AEBP2: variants seen among roughly 807,000 people sequenced by gnomAD.
The protein encoded by AEBP2 is zinc finger protein AEBP2.
A neutral mutation model predicts 50.8 loss-of-function variants in AEBP2; 10 were observed. That is an observed-to-expected ratio of 0.20 (90% CI 0.12 to 0.33). The LOEUF (loss-of-function observed/expected upper bound fraction) is 0.33, where lower values mean the gene tolerates loss of function less well. AEBP2 is among the 10% of genes least tolerant of loss of function. The pLI, the probability that AEBP2 is intolerant of heterozygous loss-of-function variation, is 1.00. For synonymous variants in AEBP2, 296 were observed against 261.3 expected, an observed-to-expected ratio of 1.13 and a Z score of -1.28; for missense variants, 570 against 688.0, an observed-to-expected ratio of 0.83 and a Z score of 1.92.
intron 1 of AEBP2, chr12:19,413,367 C>T: frequency 9.5e-7 from 1 of 1,057,988 alleles, no homozygotes; most frequent in Non-Finnish European, 1.5e-6. Flanking sequence ...TAATAGAAAT[C>T]CTTTAAAAAG....
intron 1 of AEBP2, among the ~76,000 whole-genome samples, chr12:19,416,538 T>C (rs1471632758): frequency 6.6e-6 from 1 of 151,916 alleles, no homozygotes; most frequent in Non-Finnish European, 1.5e-5. Context: ...CCCGAGTAGC[T>C]GGGATTACAG....
chr12:19,508,936 T>A, intron 5 of AEBP2: 1 of 426,008 alleles, frequency 2.3e-6, no homozygotes. Context: ...GTCGTAGGCT[T>A]TTCTACAATA....
intron 1 of AEBP2, chr12:19,456,609 G>C: frequency 6.6e-7 from 1 of 1,520,238 alleles, no homozygotes. Flanking sequence ...AATCACCTGA[G>C]CAGTGAAGCC....
chr12:19,405,496 T>C (rs1421357132), intron 1 of AEBP2, among the ~76,000 whole-genome samples: 1 of 151,918 alleles, frequency 6.6e-6, no homozygotes, highest in Non-Finnish European at 1.5e-5. Flanking sequence ...CAGCTAATTT[T>C]TGTATTTTTA....
upstream of AEBP2, among the ~76,000 whole-genome samples, chr12:19,438,339 A>G (rs1330620808): frequency 6.6e-6 from 1 of 152,208 alleles, no homozygotes; most frequent in Non-Finnish European, 1.5e-5. Flanking sequence ...GCATTCAAAG[A>G]ATTGTGTGGC....
At chr12:19,481,800 C>CG (rs1054433795) in intron 3 of AEBP2, among the ~76,000 whole-genome samples, 1 of 152,116 alleles carries the variant, frequency 6.6e-6, no homozygotes, top group Non-Finnish European at 1.5e-5. Flanking sequence ...TTCTGTTTCT[C>CG]TAAGTGTGAC....
At chr12:19,461,891 T>TA (rs1188760553) in intron 1 of AEBP2, among the ~76,000 whole-genome samples, 6 of 152,114 alleles carry the variant, frequency 3.9e-5, no homozygotes, top group African/African-American at 7.2e-5. Flanking sequence ...AGAGATGAGT[T>TA]AAAAAAATAA....
At chr12:19,471,964 C>T (rs1216642276) in intron 2 of AEBP2, among the ~76,000 whole-genome samples, 1 of 152,082 alleles carries the variant, frequency 6.6e-6, no homozygotes, top group African/African-American at 2.4e-5. Context: ...AAGGAGGAAA[C>T]GTTATGACTT....
intron 2 of AEBP2, among the ~76,000 whole-genome samples, chr12:19,471,049 A>T (rs1186679765): frequency 6.6e-6 from 1 of 152,212 alleles, no homozygotes; most frequent in African/African-American, 2.4e-5. Flanking sequence ...AGAGAATTTT[A>T]AACCAACCCC....
intron 7 of AEBP2, 92 bp from the exon 8 acceptor site, chr12:19,517,995 C>G: frequency 1.7e-6 from 2 of 1,155,976 alleles, no homozygotes; most frequent in Non-Finnish European, 2.4e-6. Context: ...CATCACATTG[C>G]CTGTATCTTA....
intron 1 of AEBP2, among the ~76,000 whole-genome samples, chr12:19,416,848 G>C (rs904266359): frequency 6.9e-6 from 1 of 145,908 alleles, no homozygotes; most frequent in South Asian, 2.2e-4. Context: ...CACCACTCCT[G>C]GCCTATCTTT....
At chr12:19,429,317 T>C (rs1433686052) in intron 1 of AEBP2, among the ~76,000 whole-genome samples, 4 of 152,206 alleles carry the variant, frequency 2.6e-5, no homozygotes, top group Non-Finnish European at 5.9e-5. Flanking sequence ...TCATCCTTTT[T>C]TATGGCTGCA....
chr12:19,512,073 G>C (rs1396713928), intron 5 of AEBP2, among the ~76,000 whole-genome samples: 2 of 151,894 alleles, frequency 1.3e-5, no homozygotes, highest in Admixed American at 1.3e-4. Context: ...CCAGGCTGGA[G>C]TGCAGTGGCG....
At chr12:19,494,694 T>A (rs77605166) in intron 4 of AEBP2, among the ~76,000 whole-genome samples, 7,337 of 151,680 alleles carry the variant, frequency 0.048, 388 homozygotes, top group Admixed American at 0.15. Flanking sequence ...GCAAAACAAT[T>A]TGAATGTAAT....
chr12:19,408,507 C>T (rs548677407), intron 1 of AEBP2, among the ~76,000 whole-genome samples: 1 of 151,266 alleles, frequency 6.6e-6, no homozygotes, highest in South Asian at 2.1e-4. Flanking sequence ...CGAGATTGCA[C>T]CACTGCGCTC....
intron 5 of AEBP2, among the ~76,000 whole-genome samples, chr12:19,511,949 C>T (rs1206396112): frequency 1.3e-5 from 2 of 152,032 alleles, no homozygotes; most frequent in East Asian, 1.9e-4. Context: ...TTGAGTGCTA[C>T]AAGACAGGGA....
In AEBP2 at chr12:19,520,043, A is replaced by G. The variant is rs761364179; in HGVS notation, c.*1926A>G. 8 of 152,672 alleles carry G rather than the reference A, an allele frequency of 5.2e-5. No homozygotes were observed. The highest frequency in any genetic ancestry group is 4.1e-4 in the South Asian group (2 of 4,828). 9.5% of individuals were successfully genotyped at this position (152,672 alleles called of 1,614,324 possible). ...TTCTGTATCTGCGAAGTAATCTGCA[A>G]TCTCTTTTGTTCTTTTTAAAATTTG... On this transcript the variant is annotated 3_prime_UTR_variant, in exon 8 of 8. Coordinates refer to ENST00000266508, the MANE Select transcript of AEBP2 (RefSeq NM_153207.5).
intron 1 of AEBP2, among the ~76,000 whole-genome samples, chr12:19,405,759 A>C (rs1438101882): frequency 6.6e-6 from 1 of 152,028 alleles, no homozygotes. Context: ...AACATCCCTC[A>C]CCAGAGGATA....
intron 2 of AEBP2, among the ~76,000 whole-genome samples, chr12:19,469,087 G>A (rs1224690410): frequency 6.6e-6 from 1 of 152,066 alleles, no homozygotes; most frequent in Admixed American, 6.6e-5. Context: ...ATCACACCTG[G>A]TTAAGTTTTT....
Sources: gnomAD v4.1 joint callset for allele counts (sites outside exome capture counted in the v4.1 genomes callset) on GRCh38, gnomAD v4.1.1 for gene constraint, MANE v1.5 for transcripts, NCBI Gene and HGNC (gene_info 2026-07-23, HGNC 2026-07-21) for gene names.